Variants in MGMT observed in about 807,000 individuals in gnomAD.
The protein encoded by MGMT is methylated-DNA--protein-cysteine methyltransferase.
Under a neutral mutation model 15.9 loss-of-function variants are expected in MGMT, and 14 were observed. That is an observed-to-expected ratio of 0.88 (90% CI 0.58 to 1.37). MGMT has a LOEUF of 1.37. Among genes scored for constraint, MGMT ranks in the 40% most tolerant of loss-of-function variants. The pLI is 0.00. For synonymous variants in MGMT, 130 were observed against 118.2 expected, an observed-to-expected ratio of 1.10 and a Z score of -0.65; for missense variants, 282 against 268.1, an observed-to-expected ratio of 1.05 and a Z score of -0.36.
chr10:129,551,551 G>A (rs958870133), intron 2 of MGMT, among the ~76,000 whole-genome samples: 11 of 152,240 alleles, frequency 7.2e-5, no homozygotes, highest in African/African-American at 2.2e-4. Flanking sequence ...CTGACAACTC[G>A]AGGTAGATCT....
At chr10:129,487,115 C>A (rs925782765) in intron 1 of MGMT, among the ~76,000 whole-genome samples, 1 of 152,104 alleles carries the variant, frequency 6.6e-6, no homozygotes, top group African/African-American at 2.4e-5. Context: ...TGAGATGACA[C>A]TTTTCCTGAA....
intron 1 of MGMT, among the ~76,000 whole-genome samples, chr10:129,490,408 A>G (rs1003198501): frequency 1.3e-5 from 2 of 152,170 alleles, no homozygotes; most frequent in Non-Finnish European, 2.9e-5. Flanking sequence ...CATCCTTTAA[A>G]CACCTGCTCT....
intron 1 of MGMT, among the ~76,000 whole-genome samples, chr10:129,474,433 G>C (rs1845266933): frequency 1.3e-5 from 2 of 152,174 alleles, no homozygotes; most frequent in Non-Finnish European, 2.9e-5. Flanking sequence ...GAGGGACTAA[G>C]TTTAGAATCG....
intron 4 of MGMT, among the ~76,000 whole-genome samples, chr10:129,761,029 A>G (rs77191492): frequency 8.7e-4 from 132 of 152,276 alleles, no homozygotes; most frequent in African/African-American, 3.1e-3. Flanking sequence ...ACATTTCCCA[A>G]TAAAACTTAA....
rs540763691 is a variant in MGMT at position 129,566,811 on chromosome 10, A to G, written c.125+30434A>G. On this transcript the variant is annotated intron_variant, in intron 2 of 4. Transcript: ENST00000651593. This position sits in a 1 kb window ranked among gnomAD's most constrained non-coding sequence, Gnocchi z 4.1. The stretch of plus-strand genomic sequence containing the variant: ...CACGGAGGAGCTGCGGAAAGTCCAC[A>G]TTTTTGAAGAGCTGCAGGCTGGGGA... 1.3e-5 allele frequency among the ~76,000 whole-genome samples: 2 copies of G among 152,136 alleles called. No homozygotes were observed. Among genetic ancestry groups the G allele is most frequent in the South Asian group, 2.1e-4 (1 of 4,808 alleles).
At chr10:129,505,157 G>T (rs756388079) in intron 1 of MGMT, among the ~76,000 whole-genome samples, 5 of 152,124 alleles carry the variant, frequency 3.3e-5, no homozygotes, top group Non-Finnish European at 7.3e-5. Context: ...TAACTAGTAG[G>T]ATTTTTTCCA....
At chr10:129,708,096 C>A in intron 3 of MGMT, 53 bp downstream of exon 3, 2 of 1,553,294 alleles carry the variant, frequency 1.3e-6, no homozygotes, top group Non-Finnish European at 8.7e-7. Context: ...GACTTATTAA[C>A]GATCGCTGAC....
At chr10:129,753,678 T>C (rs1848774047) in intron 3 of MGMT, among the ~76,000 whole-genome samples, 4 of 152,216 alleles carry the variant, frequency 2.6e-5, no homozygotes, top group Admixed American at 1.3e-4. Flanking sequence ...ATAGCTTCTA[T>C]TTGTGTTTTT....
chr10:129,505,249 A>G (rs1762416), intron 1 of MGMT, among the ~76,000 whole-genome samples: 110,576 of 152,134 alleles, frequency 0.73, 40,776 homozygotes, highest in East Asian at 0.96. Context: ...CCCCAACCCC[A>G]CTTTTATTTT....
At position 129,657,674 on chromosome 10, in the gene MGMT, AACACACAC is replaced by A. The variant is rs60284981; in HGVS notation, c.126-50196_126-50189del. 2.0e-4 allele frequency among the ~76,000 whole-genome samples: 19 copies of A among 93,504 alleles called. No individual in the cohort carries two copies. In the East Asian group the frequency reaches 2.1e-3, roughly 10 times the overall value. 61.3% of individuals were successfully genotyped at this position (93,504 alleles called of 152,430 possible). A position where few individuals can be genotyped will look rare whatever the true frequency, so the allele number is the denominator to read the frequency against. On this transcript the variant is annotated intron_variant, in intron 2 of 4. Coordinates refer to ENST00000651593, the MANE Select transcript of MGMT (RefSeq NM_002412.5). ...GGGGGACAGGCTGGCCAGCTCCTCC[AACACACAC>A]ACACACACACACACACACACACACG...
At chr10:129,509,598 G>A (rs1845660587) in intron 1 of MGMT, among the ~76,000 whole-genome samples, 1 of 152,202 alleles carries the variant, frequency 6.6e-6, no homozygotes, top group Non-Finnish European at 1.5e-5. Flanking sequence ...ACTCTAGGAT[G>A]ACTAAGAAAG....
chr10:129,623,324 C>T (rs1847111264), intron 2 of MGMT, among the ~76,000 whole-genome samples: 1 of 152,014 alleles, frequency 6.6e-6, no homozygotes, highest in African/African-American at 2.4e-5. Context: ...GCGGGGATAC[C>T]AAGTTGGGGA....
intron 3 of MGMT, among the ~76,000 whole-genome samples, chr10:129,738,221 G>T (rs1848588170): frequency 1.3e-5 from 2 of 152,206 alleles, no homozygotes; most frequent in Non-Finnish European, 2.9e-5. Flanking sequence ...GTGGGCATAG[G>T]ACCCTCCAAG....
intron 2 of MGMT, among the ~76,000 whole-genome samples, chr10:129,657,646 G>T (rs370394579): frequency 2.0e-4 from 27 of 135,294 alleles, no homozygotes; most frequent in African/African-American, 7.7e-4. Flanking sequence ...GCTGGAGCTG[G>T]GGGGGGGACA....
chr10:129,552,497 C>G (rs1218153261), intron 2 of MGMT, among the ~76,000 whole-genome samples: 1 of 152,210 alleles, frequency 6.6e-6, no homozygotes, highest in Admixed American at 6.5e-5. Context: ...GAGTCTTTAG[C>G]TAAATTAAGT....
chr10:129,507,656 G>T (rs912957693), intron 1 of MGMT, among the ~76,000 whole-genome samples: 8 of 152,186 alleles, frequency 5.3e-5, no homozygotes, highest in African/African-American at 9.7e-5. Context: ...TGAGCTGTGG[G>T]AAGCAGGCTT....
Position 129,761,131 on chromosome 10 carries a change from G to A in MGMT, c.414+1790G>A, listed in dbSNP as rs187427681. On this transcript the variant is annotated intron_variant, in intron 4 of 4. Transcript: ENST00000651593. ...CTGATGAAAAGGCAGCTCAGATGCT[G>A]TTGTGTTGTGGCTCCGTGTAGGGCC... 3.3e-4 allele frequency among the ~76,000 whole-genome samples: 50 copies of A among 152,338 alleles called. No homozygotes were observed. The East Asian group carries it at 9.2e-3, about 28-fold the overall frequency.
At chr10:129,599,012 A>G (rs1356002788) in intron 2 of MGMT, among the ~76,000 whole-genome samples, 1 of 152,190 alleles carries the variant, frequency 6.6e-6, no homozygotes, top group Non-Finnish European at 1.5e-5. Context: ...CCTAGTTGGT[A>G]CTGATAAAAG....
intron 3 of MGMT, among the ~76,000 whole-genome samples, chr10:129,750,485 A>G (rs56747085): frequency 0.055 from 7,781 of 140,538 alleles, 614 homozygotes; most frequent in African/African-American, 0.18. Flanking sequence ...CAGATAAAAA[A>G]TGTTCAACAA....
Sources: allele counts gnomAD v4.1 joint callset (sites outside exome capture counted in the v4.1 genomes callset), GRCh38; gene constraint gnomAD v4.1.1; non-coding constraint Gnocchi (gnomAD v3.1); transcripts MANE v1.5; gene names NCBI Gene and HGNC (gene_info 2026-07-23, HGNC 2026-07-21).